Variants in SP140L observed in about 807,000 individuals in gnomAD.
SP140L encodes the protein SP140 like nuclear body protein.
In SP140L, 64 loss-of-function variants were observed where a neutral mutation model predicts 84.3. The ratio of observed to expected loss-of-function variants is 0.76; its 90% CI spans 0.62 to 0.94. The LOEUF (loss-of-function observed/expected upper bound fraction) is 0.94. Among genes scored for constraint, SP140L ranks in the 40% least tolerant of loss-of-function variants. The pLI is 0.00. For synonymous variants in SP140L, 242 were observed against 236.9 expected (o/e 1.02, Z -0.20); for missense variants, 628 against 692.5 (o/e 0.91, Z 1.05).
intron 2 of SP140L, among the ~76,000 whole-genome samples, chr2:230,331,002 A>T (rs1575421914): frequency 6.6e-6 from 1 of 152,268 alleles, no homozygotes; most frequent in South Asian, 2.1e-4. Context: ...ATGGTATCTC[A>T]GTGCTTGTGT....
At chr2:230,357,702 T>A in intron 2 of SP140L, 103 bp from the exon 3 acceptor site, 1 of 1,140,700 alleles carries the variant, frequency 8.8e-7, no homozygotes, top group Non-Finnish European at 1.3e-6. Flanking sequence ...ATTTTATATA[T>A]GTTGGTTCTT....
chr2:230,379,703 T>C (rs1400990334), intron 7 of SP140L, among the ~76,000 whole-genome samples: 3 of 152,196 alleles, frequency 2.0e-5, no homozygotes, highest in Non-Finnish European at 4.4e-5. Flanking sequence ...TTTCTTTTGA[T>C]AGAAATTTTT....
chr2:230,366,246 C>T, intron 5 of SP140L, among the ~76,000 whole-genome samples: 1 of 152,114 alleles, frequency 6.6e-6, no homozygotes, highest in East Asian at 1.9e-4. Context: ...GTATTACAGT[C>T]TGTCTCACCT....
intron 5 of SP140L, 141 bp downstream of exon 5, chr2:230,361,838 T>C (rs1043671307): frequency 4.7e-6 from 3 of 641,212 alleles, no homozygotes; most frequent in African/African-American, 3.7e-5. Flanking sequence ...AGGAGGGGGT[T>C]GTATGAGCTC....
chr2:230,352,427 A>T (rs1276457928), intron 2 of SP140L, among the ~76,000 whole-genome samples: 1 of 152,202 alleles, frequency 6.6e-6, no homozygotes, highest in African/African-American at 2.4e-5. Flanking sequence ...TTCACAAATC[A>T]GAGCAAGAGA....
chr2:230,375,254 C>T (rs2061206758), intron 7 of SP140L, among the ~76,000 whole-genome samples: 1 of 152,046 alleles, frequency 6.6e-6, no homozygotes. Context: ...TATATATTTT[C>T]CAATATACAC....
intron 7 of SP140L, among the ~76,000 whole-genome samples, chr2:230,377,668 A>G (rs112031397): frequency 2.0e-4 from 30 of 152,058 alleles, no homozygotes; most frequent in African/African-American, 6.8e-4. Context: ...GAGTGGTGCT[A>G]TTGGGTCATA....
At chr2:230,386,118 T>G (rs2061570386) in intron 9 of SP140L, among the ~76,000 whole-genome samples, 1 of 152,186 alleles carries the variant, frequency 6.6e-6, no homozygotes, top group Non-Finnish European at 1.5e-5. Context: ...GAAATAGAGC[T>G]TTTCTTCTAC....
intron 3 of SP140L, 48 bp downstream of exon 3, chr2:230,358,015 A>G (rs368416787): frequency 6.3e-7 from 1 of 1,599,972 alleles, no homozygotes; most frequent in African/African-American, 1.3e-5. Flanking sequence ...TTCATATTTT[A>G]CAAGTATTTC....
At position 230,327,262 on chromosome 2, in the gene SP140L, G is replaced by GT; in HGVS notation, c.-7dup. The stretch of plus-strand genomic sequence containing the variant: ...CTCTGACACCCAGGCAGGGCCTAGG[G>GT]TGGGACGATGGCAGGTGGGGGCAGC... On this transcript the variant is annotated 5_prime_UTR_variant, in exon 1 of 19. Coordinates refer to ENST00000415673, the MANE Select transcript of SP140L (RefSeq NM_138402.6). 6.2e-7 allele frequency: 1 copy of GT among 1,610,686 alleles called. No homozygotes were observed. The highest frequency in any genetic ancestry group is 2.2e-5 in the East Asian group (1 of 44,788).
Position 230,400,243 on chromosome 2 carries a change from G to A in SP140L, c.1313+1G>A. 1 of 1,614,052 alleles carries A rather than the reference G, an allele frequency of 6.2e-7. No individual in the cohort carries two copies. Among genetic ancestry groups the A allele is most frequent in the Non-Finnish European group, 8.5e-7 (1 of 1,179,920 alleles). ...ACATCCCACCTGTGGAAAGTGAGAA[G>A]TAAGTGACATGCAGGCACCTCTCTT... On this transcript the variant is annotated splice_donor_variant, in intron 15 of 18. Transcript: ENST00000415673. LOFTEE classifies it high-confidence loss of function.
At chr2:230,327,438 A>C (rs1559395854) in intron 1 of SP140L, 137 bp downstream of exon 1, 4 of 976,616 alleles carry the variant, frequency 4.1e-6, no homozygotes, top group Non-Finnish European at 6.0e-6. Context: ...AATATAATGG[A>C]ATAAAAGAGA....
At chr2:230,334,576 G>T (rs1575427671) in intron 2 of SP140L, among the ~76,000 whole-genome samples, 1 of 152,324 alleles carries the variant, frequency 6.6e-6, no homozygotes, top group South Asian at 2.1e-4. Context: ...ATCCATTCCA[G>T]TGTTGGATTT....
chr2:230,337,709 A>G (rs1475725444), intron 2 of SP140L, among the ~76,000 whole-genome samples: 3 of 152,184 alleles, frequency 2.0e-5, no homozygotes, highest in African/African-American at 7.2e-5. Flanking sequence ...AGCTTTCTAC[A>G]TATGGCTAGC....
At position 230,403,041 on chromosome 2, in the gene SP140L, G is replaced by C. The variant is rs867200525; in HGVS notation, c.*145G>C. The C allele has an allele frequency of 2.4e-5, 15 of 620,540 alleles. No individual in the cohort carries two copies. The highest frequency in any genetic ancestry group is 5.1e-4 in the Middle Eastern group (2 of 3,892). 38.4% of individuals were successfully genotyped at this position (620,540 alleles called of 1,614,324 possible). A position where few individuals can be genotyped will look rare whatever the true frequency, so the allele number is the denominator to read the frequency against. On this transcript the variant is annotated 3_prime_UTR_variant, in exon 19 of 19. Coordinates refer to ENST00000415673, the MANE Select transcript of SP140L (RefSeq NM_138402.6). ...TCTGCCCAAAAACAAATCCTCAAAA[G>C]AAATTTGATCATCATGAATCCCATC...
chr2:230,344,496 C>T (rs1299708698), intron 2 of SP140L, among the ~76,000 whole-genome samples: 1 of 152,154 alleles, frequency 6.6e-6, no homozygotes, highest in East Asian at 1.9e-4. Flanking sequence ...GTTTCTTTAA[C>T]TGGGGCATTT....
At position 230,403,079 on chromosome 2, in the gene SP140L, A is replaced by G; in HGVS notation, c.*183A>G. ...CATGAATCCCATCCCCAAGAATCTC[A>G]TCAACCAGGGAAGAGGAACTGAGAT... On this transcript the variant is annotated 3_prime_UTR_variant, in exon 19 of 19. Coordinates refer to ENST00000415673, the MANE Select transcript of SP140L (RefSeq NM_138402.6). The G allele has an allele frequency of 1.8e-6, 1 of 549,012 alleles. No homozygotes were observed. The highest frequency in any genetic ancestry group is 3.2e-6 in the Non-Finnish European group (1 of 314,466). 34.0% of individuals were successfully genotyped at this position (549,012 alleles called of 1,614,324 possible).
intron 4 of SP140L, among the ~76,000 whole-genome samples, chr2:230,360,683 C>T (rs2060687111): frequency 3.3e-5 from 5 of 152,164 alleles, no homozygotes; most frequent in Admixed American, 3.3e-4. Context: ...CCACAACTCA[C>T]ATGTTAGTTT....
At chr2:230,377,502 G>C (rs2061280526) in intron 7 of SP140L, among the ~76,000 whole-genome samples, 1 of 152,170 alleles carries the variant, frequency 6.6e-6, no homozygotes, top group Admixed American at 6.5e-5. Context: ...TCGCTGAGAA[G>C]TATTTCTTTA....
Sources: allele counts gnomAD v4.1 joint callset (sites outside exome capture counted in the v4.1 genomes callset), GRCh38; gene constraint gnomAD v4.1.1; transcripts MANE v1.5; gene names NCBI Gene and HGNC (gene_info 2026-07-23, HGNC 2026-07-21).